Variants in VSNL1 observed in about 807,000 individuals in gnomAD.
The protein encoded by VSNL1 is visinin-like protein 1.
In VSNL1, 6 loss-of-function variants were observed where a neutral mutation model predicts 20.4. The observed-to-expected ratio is 0.29, with a 90% CI of 0.16 to 0.58. The LOEUF (loss-of-function observed/expected upper bound fraction) is 0.58. Among genes scored for constraint, VSNL1 ranks in the 20% least tolerant of loss-of-function variants. The pLI, the probability that VSNL1 is intolerant of heterozygous loss-of-function variation, is 0.90. For missense variants in VSNL1, 100 were observed against 234.5 expected (o/e 0.43, Z 3.75); for synonymous variants, 93 against 86.4 (o/e 1.08, Z -0.42).
At chr2:17,606,841 C>T (rs1410433440) in intron 2 of VSNL1, among the ~76,000 whole-genome samples, 1 of 152,132 alleles carries the variant, frequency 6.6e-6, no homozygotes, top group Non-Finnish European at 1.5e-5. Flanking sequence ...GTTACCCAAT[C>T]CTGGTCAAAA....
chr2:17,648,985 C>T (rs140223743), intron 2 of VSNL1, among the ~76,000 whole-genome samples: 1 of 152,280 alleles, frequency 6.6e-6, no homozygotes, highest in Non-Finnish European at 1.5e-5. Context: ...TCCCTCTGGC[C>T]CTACTGGGCA....
chr2:17,626,922 G>A (rs906556020), intron 2 of VSNL1, among the ~76,000 whole-genome samples: 4 of 152,246 alleles, frequency 2.6e-5, no homozygotes, highest in African/African-American at 7.2e-5. Context: ...AGCCTGCTGG[G>A]TGCAGCTTGT....
At chr2:17,546,743 T>C (rs1274633444) in intron 1 of VSNL1, among the ~76,000 whole-genome samples, 1 of 152,030 alleles carries the variant, frequency 6.6e-6, no homozygotes, top group Non-Finnish European at 1.5e-5. Context: ...TTTTAATGTA[T>C]CAAGTAGTGC....
chr2:17,605,337 A>G lies in VSNL1; in HGVS notation c.162+13101A>G, dbSNP rs139362700. Among the ~76,000 whole-genome samples, 368 of 152,238 alleles carry G rather than the reference A, an allele frequency of 2.4e-3. 3 individuals are homozygous for G. The highest frequency in any genetic ancestry group is 0.016 in the Admixed American group (251 of 15,302). Reference sequence around the variant, plus strand: ...CTGTCTTGGCCTCCAATCCATGTGAACCAGCCTTCCCAGCCTTCCCCAGAA... The same window carrying G: ...CTGTCTTGGCCTCCAATCCATGTGAGCCAGCCTTCCCAGCCTTCCCCAGAA... On this transcript the variant is annotated intron_variant, in intron 2 of 3. Transcript: ENST00000295156.
At chr2:17,579,982 A>T (rs1251327930) in intron 1 of VSNL1, among the ~76,000 whole-genome samples, 1 of 152,192 alleles carries the variant, frequency 6.6e-6, no homozygotes, top group East Asian at 1.9e-4. Context: ...ATCGGGAGAC[A>T]CAGTGCTGGG....
chr2:17,617,703 G>A (rs1184218544), intron 2 of VSNL1, among the ~76,000 whole-genome samples: 1 of 152,128 alleles, frequency 6.6e-6, no homozygotes, highest in Non-Finnish European at 1.5e-5. Context: ...ACACAGTGAG[G>A]AGCAACACTA....
intron 2 of VSNL1, among the ~76,000 whole-genome samples, chr2:17,638,330 G>C (rs1665802317): frequency 6.6e-6 from 1 of 152,228 alleles, no homozygotes; most frequent in African/African-American, 2.4e-5. Context: ...CTTACATAGT[G>C]CCTGACACAT....
chr2:17,563,093 C>A (rs1663856910), intron 1 of VSNL1, among the ~76,000 whole-genome samples: 1 of 152,110 alleles, frequency 6.6e-6, no homozygotes, highest in Admixed American at 6.5e-5. Flanking sequence ...AGGGATAGGA[C>A]ATATTAATAA....
At chr2:17,569,037 GTGGCTCACTC>G in intron 1 of VSNL1, among the ~76,000 whole-genome samples, 1 of 152,218 alleles carries the variant, frequency 6.6e-6, no homozygotes, top group South Asian at 2.1e-4. Context: ...GCCAGGTATG[GTGGCTCACTC>G]CTGTAATCAC....
At chr2:17,654,794 C>G (rs535912680) in intron 3 of VSNL1, among the ~76,000 whole-genome samples, 15 of 152,308 alleles carry the variant, frequency 9.8e-5, no homozygotes, top group African/African-American at 2.9e-4. Context: ...CTTCATCTTT[C>G]AACACTTCAC....
At chr2:17,551,121 A>G (rs1663525027) in intron 1 of VSNL1, among the ~76,000 whole-genome samples, 1 of 152,180 alleles carries the variant, frequency 6.6e-6, no homozygotes, top group East Asian at 1.9e-4. Context: ...ACACCCCAGG[A>G]TAATGGCAAA....
intron 2 of VSNL1, among the ~76,000 whole-genome samples, chr2:17,601,052 A>T (rs73921006): frequency 0.014 from 2,089 of 152,140 alleles, 23 homozygotes; most frequent in East Asian, 0.038. Context: ...ACACCTTGGG[A>T]TTTTGCTTTC....
At chr2:17,552,664 C>T (rs533585206) in intron 1 of VSNL1, among the ~76,000 whole-genome samples, 15 of 152,024 alleles carry the variant, frequency 9.9e-5, no homozygotes, top group African/African-American at 3.6e-4. Flanking sequence ...ATAGTATTAG[C>T]ACAGCAAAAA....
chr2:17,621,269 T>C (rs1047116429), intron 2 of VSNL1, among the ~76,000 whole-genome samples: 3 of 151,890 alleles, frequency 2.0e-5, no homozygotes, highest in Non-Finnish European at 4.4e-5. Context: ...TTTCTTTCTT[T>C]CTTCCTCTTT....
intron 2 of VSNL1, among the ~76,000 whole-genome samples, chr2:17,618,228 C>A (rs1665265784): frequency 6.6e-6 from 1 of 152,184 alleles, no homozygotes; most frequent in Non-Finnish European, 1.5e-5. Flanking sequence ...TTATCTTACA[C>A]TTTTGGGGGC....
At position 17,656,765 on chromosome 2, in the gene VSNL1, T is replaced by A. The variant is rs577286393; in HGVS notation, c.*1371T>A. 3.5e-4 allele frequency: 53 copies of A among 152,328 alleles called. No individual in the cohort carries two copies. Among genetic ancestry groups the A allele is most frequent in the Admixed American group, 9.2e-4 (14 of 15,298 alleles). 9.4% of individuals were successfully genotyped at this position (152,328 alleles called of 1,614,324 possible). On this transcript the variant is annotated 3_prime_UTR_variant, in exon 4 of 4. Transcript: ENST00000295156. ...CTCTGATGATGGGAAGGTCTACATC[T>A]GCACAGCACGCTAGCTATAACTGCA... is the stretch of plus-strand genomic sequence containing the variant.
At chr2:17,642,309 C>CTTTTTTGTTTTTTTTTT (rs1665897973) in intron 2 of VSNL1, among the ~76,000 whole-genome samples, 1 of 93,194 alleles carries the variant, frequency 1.1e-5, no homozygotes, top group African/African-American at 3.8e-5. Context: ...GTGAGCATTC[C>CTTTTTTGTTTTTTTTTT]TTTTTTTTTT....
intron 2 of VSNL1, among the ~76,000 whole-genome samples, chr2:17,638,612 C>T (rs1326332368): frequency 1.3e-5 from 2 of 152,302 alleles, no homozygotes; most frequent in East Asian, 1.9e-4. Context: ...GAAAGTAGAG[C>T]GAGTTCCAGA....
intron 1 of VSNL1, among the ~76,000 whole-genome samples, chr2:17,558,232 T>C (rs1276890526): frequency 1.3e-5 from 2 of 152,218 alleles, no homozygotes; most frequent in African/African-American, 4.8e-5. Context: ...CATAGTATCA[T>C]GGAAAGAAAT....
Sources: gnomAD v4.1 joint callset for allele counts (sites outside exome capture counted in the v4.1 genomes callset) on GRCh38, gnomAD v4.1.1 for gene constraint, MANE v1.5 for transcripts, NCBI Gene and HGNC (gene_info 2026-07-23, HGNC 2026-07-21) for gene names.